CYB5B: variants seen among roughly 807,000 people sequenced by gnomAD.
CYB5B encodes the protein cytochrome b5 type B.
A neutral mutation model predicts 21.3 loss-of-function variants in CYB5B; 14 were observed. That is an observed-to-expected ratio of 0.66 (90% CI 0.43 to 1.03). The LOEUF is 1.03. CYB5B is among the 50% of genes least tolerant of loss of function. The pLI is 0.00. For synonymous variants in CYB5B, 69 were observed against 68.4 expected, an observed-to-expected ratio of 1.01 and a Z score of -0.04; for missense variants, 166 against 185.1, an observed-to-expected ratio of 0.90 and a Z score of 0.60.
rs1282784685 is a variant in CYB5B, at chr16:69,447,176, G to A, written c.201G>A (p.Leu67=). Residue 67 remains leucine, a synonymous_variant, in exon 2 of 5, where the codon CTG becomes CTA. Coordinates refer to ENST00000307892, the MANE Select transcript of CYB5B (RefSeq NM_030579.3). Reference sequence around the variant, plus strand: ...ACCCTGGAGGAGAAGAGGTTCTGCTGGAACAAGCTGGTGTAGATGCAAGTG... The same window carrying A: ...ACCCTGGAGGAGAAGAGGTTCTGCTAGAACAAGCTGGTGTAGATGCAAGTG... ...NEHPGGEEVL[L]EQAGVDASES... 6.2e-7 allele frequency: 1 copy of A among 1,613,954 alleles called. No individual in the cohort carries two copies. The highest frequency in any genetic ancestry group is 8.5e-7 in the Non-Finnish European group (1 of 1,179,980).
chr16:69,431,661 C>T (rs1210144954), intron 1 of CYB5B, among the ~76,000 whole-genome samples: 1 of 152,006 alleles, frequency 6.6e-6, no homozygotes, highest in East Asian at 1.9e-4. Context: ...AGTCCCAGCT[C>T]CTCAGGAGGC....
At chr16:69,454,834 A>G (rs181844831) in intron 3 of CYB5B, among the ~76,000 whole-genome samples, 1 of 152,342 alleles carries the variant, frequency 6.6e-6, no homozygotes, top group Admixed American at 6.5e-5. Context: ...AGCTTTTGAA[A>G]GCCTAAATGT....
chr16:69,426,927 G>T (rs540293882), intron 1 of CYB5B, among the ~76,000 whole-genome samples: 13 of 152,234 alleles, frequency 8.5e-5, no homozygotes, highest in Non-Finnish European at 1.9e-4. Context: ...GCTAAAGCAT[G>T]GTTCATAATG....
intron 3 of CYB5B, among the ~76,000 whole-genome samples, chr16:69,453,140 G>A (rs748116158): frequency 2.0e-5 from 3 of 152,010 alleles, no homozygotes; most frequent in Admixed American, 6.6e-5. Context: ...GAGGCTTAAC[G>A]TGTTTTTTTA....
chr16:69,456,147 T>A (rs906655372), intron 3 of CYB5B, among the ~76,000 whole-genome samples: 1 of 151,914 alleles, frequency 6.6e-6, no homozygotes, highest in Non-Finnish European at 1.5e-5. Flanking sequence ...TAAATATATT[T>A]ATTTATTTTT....
intron 1 of CYB5B, among the ~76,000 whole-genome samples, chr16:69,427,636 C>T (rs1055674057): frequency 1.3e-5 from 2 of 151,996 alleles, no homozygotes; most frequent in Admixed American, 1.3e-4. Context: ...TCTATTTCAA[C>T]CTCCCGAATA....
chr16:69,449,288 TC>T (rs2014909203), intron 3 of CYB5B: 1 of 152,192 alleles, frequency 6.6e-6, no homozygotes, highest in South Asian at 2.1e-4. Context: ...GTGTCTTAGT[TC>T]CCCTTCCCTG....
chr16:69,432,368 G>C (rs929240579), intron 1 of CYB5B, among the ~76,000 whole-genome samples: 1 of 152,118 alleles, frequency 6.6e-6, no homozygotes, highest in Non-Finnish European at 1.5e-5. Context: ...ACATGAAATA[G>C]TCAGCACTTT....
chr16:69,462,661 C>A lies in CYB5B; in HGVS notation c.*141C>A. ...GGAGCCAAGACGATTGGCCAGACAT[C>A]ACCTCAGATCTGAGACCAGCGTCTT... On this transcript the variant is annotated 3_prime_UTR_variant, in exon 5 of 5. Transcript: ENST00000307892. 1 of 672,828 alleles carries A rather than the reference C, an allele frequency of 1.5e-6. No homozygotes were observed. Among genetic ancestry groups the A allele is most frequent in the Non-Finnish European group, 2.6e-6 (1 of 378,862 alleles). 41.7% of individuals were successfully genotyped at this position (672,828 alleles called of 1,614,324 possible).
chr16:69,462,295 T>C (rs1275519923), intron 4 of CYB5B, 135 bp from the exon 5 acceptor site: 11 of 662,192 alleles, frequency 1.7e-5, no homozygotes, highest in Non-Finnish European at 2.6e-5. Flanking sequence ...CCCAACTACT[T>C]TGTGATAAAA....
At chr16:69,433,123 C>T (rs2014723093) in intron 1 of CYB5B, among the ~76,000 whole-genome samples, 1 of 152,128 alleles carries the variant, frequency 6.6e-6, no homozygotes, top group Non-Finnish European at 1.5e-5. Flanking sequence ...TAACCGTACC[C>T]TAGGATCTGC....
chr16:69,461,035 C>T (rs763338223), intron 4 of CYB5B, among the ~76,000 whole-genome samples: 3 of 151,990 alleles, frequency 2.0e-5, no homozygotes, highest in Admixed American at 1.3e-4. Context: ...ATTTTCTGGC[C>T]GGCGTGGTGG....
At chr16:69,427,893 G>A (rs1025316971) in intron 1 of CYB5B, among the ~76,000 whole-genome samples, 1 of 152,014 alleles carries the variant, frequency 6.6e-6, no homozygotes, top group Non-Finnish European at 1.5e-5. Flanking sequence ...CTACTCAGGA[G>A]GCTGAGGCAG....
At chr16:69,458,301 A>G (rs960392008) in intron 3 of CYB5B, among the ~76,000 whole-genome samples, 1 of 151,886 alleles carries the variant, frequency 6.6e-6, no homozygotes, top group African/African-American at 2.4e-5. Flanking sequence ...TTTCCCCACA[A>G]CTCGTCCTCC....
chr16:69,458,339 A>G (rs1246164827), intron 3 of CYB5B, among the ~76,000 whole-genome samples: 1 of 152,084 alleles, frequency 6.6e-6, no homozygotes, highest in African/African-American at 2.4e-5. Flanking sequence ...AACCACTACT[A>G]ATCTACTTCT....
rs2015082844 is a variant in CYB5B at position 69,465,709 on chromosome 16, T to G, written c.*3189T>G. ...CTCAAGCGATATCTATCTGGTTAAATTCCATTTTAGGAGATTGAGATGCAG... is the reference window on the plus strand; with the variant it reads ...CTCAAGCGATATCTATCTGGTTAAAGTCCATTTTAGGAGATTGAGATGCAG... On this transcript the variant is annotated 3_prime_UTR_variant, in exon 5 of 5. Transcript: ENST00000307892. 6.6e-6 allele frequency: 1 copy of G among 152,236 alleles called. No individual in the cohort carries two copies. Among genetic ancestry groups the G allele is most frequent in the African/African-American group, 2.4e-5 (1 of 41,466 alleles). 9.4% of individuals were successfully genotyped at this position (152,236 alleles called of 1,614,324 possible).
Position 69,441,295 on chromosome 16 carries a change from C to G in CYB5B, c.175-5855C>G, listed in dbSNP as rs1034601078. On this transcript the variant is annotated intron_variant, in intron 1 of 4. Transcript: ENST00000307892. Reference sequence around the variant, plus strand: ...CAGCCTCCTGAGTAGCTGGGACTTACAGGCACATGCCACCACATCCAGCTA... The same window carrying G: ...CAGCCTCCTGAGTAGCTGGGACTTAGAGGCACATGCCACCACATCCAGCTA... Among the ~76,000 whole-genome samples the G allele has an allele frequency of 4.6e-5, 7 of 152,048 alleles. No homozygotes were observed. In the East Asian group the frequency reaches 1.4e-3, roughly 30 times the overall value.
intron 1 of CYB5B, among the ~76,000 whole-genome samples, chr16:69,438,106 T>A (rs1270861300): frequency 2.0e-5 from 3 of 152,150 alleles, no homozygotes; most frequent in Non-Finnish European, 2.9e-5. Flanking sequence ...ACAGTTCTAT[T>A]TTTTGTTTTT....
intron 1 of CYB5B, among the ~76,000 whole-genome samples, chr16:69,426,156 T>C (rs946654108): frequency 1.3e-5 from 2 of 152,114 alleles, no homozygotes; most frequent in African/African-American, 4.8e-5. Flanking sequence ...TCCCAGCACT[T>C]TGAGAGGCCG....
Sources: allele counts gnomAD v4.1 joint callset (sites outside exome capture counted in the v4.1 genomes callset), GRCh38; gene constraint gnomAD v4.1.1; transcripts MANE v1.5; gene names NCBI Gene and HGNC (gene_info 2026-07-23, HGNC 2026-07-21).